The following ATG10 variants were observed in gnomAD, a reference collection of about 807,000 sequenced individuals.
ATG10 encodes ubiquitin-like-conjugating enzyme ATG10.
Under a neutral mutation model 32.1 loss-of-function variants are expected in ATG10, and 30 were observed. The ratio of observed to expected loss-of-function variants is 0.94; its 90% CI spans 0.70 to 1.27. The LOEUF (loss-of-function observed/expected upper bound fraction) is 1.27. ATG10 is among the 50% of genes most tolerant of loss of function. The pLI, the probability that ATG10 is intolerant of heterozygous loss-of-function variation, is 0.00. For synonymous variants in ATG10, 87 were observed against 91.5 expected, an observed-to-expected ratio of 0.95 and a Z score of 0.28; for missense variants, 233 against 262.3, an observed-to-expected ratio of 0.89 and a Z score of 0.77.
At chr5:82,096,496 C>T (rs1765071128) in intron 3 of ATG10, among the ~76,000 whole-genome samples, 1 of 152,166 alleles carries the variant, frequency 6.6e-6, no homozygotes, top group Non-Finnish European at 1.5e-5. Flanking sequence ...TTGCTGCCCT[C>T]TAGCCCTTGG....
At chr5:82,225,922 T>C (rs913856105) in intron 5 of ATG10, among the ~76,000 whole-genome samples, 2 of 152,234 alleles carry the variant, frequency 1.3e-5, no homozygotes, top group East Asian at 1.9e-4. Context: ...ATCACTATGG[T>C]ATATTGTTTA....
intron 3 of ATG10, among the ~76,000 whole-genome samples, chr5:82,106,396 G>T (rs1765446062): frequency 6.6e-6 from 1 of 152,092 alleles, no homozygotes; most frequent in African/African-American, 2.4e-5. Flanking sequence ...GTATTTGAGA[G>T]GTTGGGCAAT....
At chr5:82,120,925 A>G (rs983556752) in intron 3 of ATG10, among the ~76,000 whole-genome samples, 2 of 152,236 alleles carry the variant, frequency 1.3e-5, no homozygotes, top group Non-Finnish European at 2.9e-5. Flanking sequence ...AGGAAGATAC[A>G]CATTTATTAC....
At chr5:82,239,285 T>C (rs1746689905) in intron 5 of ATG10, among the ~76,000 whole-genome samples, 1 of 152,176 alleles carries the variant, frequency 6.6e-6, no homozygotes. Context: ...AGTAATAACT[T>C]ACTTTGGCAC....
chr5:82,089,352 A>G (rs978873117), intron 3 of ATG10, among the ~76,000 whole-genome samples: 2 of 152,154 alleles, frequency 1.3e-5, no homozygotes, highest in Non-Finnish European at 2.9e-5. Context: ...CAAAAAAAAA[A>G]AAGATTGCAT....
chr5:82,159,668 C>A (rs1281726842), intron 3 of ATG10, among the ~76,000 whole-genome samples: 1 of 152,112 alleles, frequency 6.6e-6, no homozygotes, highest in African/African-American at 2.4e-5. Context: ...GCCAGTCATG[C>A]TCCTTCTATA....
chr5:82,144,095 ATT>A (rs1561323958), intron 3 of ATG10, among the ~76,000 whole-genome samples: 3 of 151,918 alleles, frequency 2.0e-5, no homozygotes, highest in Non-Finnish European at 4.4e-5. Flanking sequence ...TTTCATCTTA[ATT>A]GTTAAATTTT....
intron 3 of ATG10, among the ~76,000 whole-genome samples, chr5:82,131,229 A>G (rs1461241877): frequency 6.6e-6 from 1 of 152,178 alleles, no homozygotes; most frequent in South Asian, 2.1e-4. Context: ...AAAATTTTTG[A>G]AAGAAATGGC....
intron 3 of ATG10, among the ~76,000 whole-genome samples, chr5:82,128,517 T>C (rs1475466690): frequency 6.6e-6 from 1 of 151,894 alleles, no homozygotes; most frequent in Non-Finnish European, 1.5e-5. Context: ...TGCTTGTCTG[T>C]AAAGGATTTT....
At chr5:82,139,486 G>A (rs1470663869) in intron 3 of ATG10, among the ~76,000 whole-genome samples, 1 of 135,220 alleles carries the variant, frequency 7.4e-6, no homozygotes. Flanking sequence ...GAGCGCCTCT[G>A]CCCCGCCGCC....
chr5:82,038,632 C>G (rs1414162129), intron 2 of ATG10, among the ~76,000 whole-genome samples: 1 of 152,166 alleles, frequency 6.6e-6, no homozygotes, highest in Non-Finnish European at 1.5e-5. Flanking sequence ...CCAGTTCTCT[C>G]TTTCTAAGCT....
At chr5:82,185,164 C>T (rs1042859049) in intron 5 of ATG10, among the ~76,000 whole-genome samples, 11 of 152,240 alleles carry the variant, frequency 7.2e-5, no homozygotes, top group Admixed American at 6.5e-4. Flanking sequence ...AATTGCCTCT[C>T]TCTAAGCCCC....
At chr5:82,006,372 T>TA (rs536652799) in intron 2 of ATG10, among the ~76,000 whole-genome samples, 53 of 152,310 alleles carry the variant, frequency 3.5e-4, no homozygotes, top group African/African-American at 1.1e-3. Flanking sequence ...AAGAGAATAG[T>TA]ATAATGAATT....
chr5:82,198,854 A>G (rs1744959362), intron 5 of ATG10, among the ~76,000 whole-genome samples: 1 of 152,182 alleles, frequency 6.6e-6, no homozygotes, highest in African/African-American at 2.4e-5. Flanking sequence ...GTATTACCTA[A>G]TGTTTAGTAT....
chr5:82,220,551 C>T (rs1340665070), intron 5 of ATG10, among the ~76,000 whole-genome samples: 1 of 151,864 alleles, frequency 6.6e-6, no homozygotes, highest in Non-Finnish European at 1.5e-5. Context: ...TGTGAGCTAC[C>T]GCGCCTGGCT....
intron 4 of ATG10, among the ~76,000 whole-genome samples, chr5:82,171,136 A>G (rs1338741755): frequency 6.6e-6 from 1 of 152,130 alleles, no homozygotes; most frequent in African/African-American, 2.4e-5. Flanking sequence ...AAATGGTCTT[A>G]TATGTCCTTT....
At chr5:81,988,337 C>T (rs990462095) in intron 2 of ATG10, among the ~76,000 whole-genome samples, 3 of 151,930 alleles carry the variant, frequency 2.0e-5, no homozygotes. Context: ...TGGGGTTTTG[C>T]CATGTTGGCC....
intron 2 of ATG10, among the ~76,000 whole-genome samples, chr5:82,046,503 A>G (rs1276029924): frequency 1.3e-5 from 2 of 152,198 alleles, no homozygotes; most frequent in African/African-American, 4.8e-5. Flanking sequence ...CGGCTCTGCC[A>G]ACTCCTTGAT....
At chr5:82,212,971 C>T (rs929726052) in intron 5 of ATG10, among the ~76,000 whole-genome samples, 6 of 152,144 alleles carry the variant, frequency 3.9e-5, no homozygotes, top group African/African-American at 1.2e-4. Flanking sequence ...TTATCTAAAC[C>T]AGCAATACGA....
Sources: allele counts gnomAD v4.1 joint callset (sites outside exome capture counted in the v4.1 genomes callset), GRCh38; gene constraint gnomAD v4.1.1; transcripts MANE v1.5; gene names NCBI Gene and HGNC (gene_info 2026-07-23, HGNC 2026-07-21).